Variants in PCDH11X observed in about 807,000 individuals in gnomAD.
PCDH11X encodes the protein protocadherin 11 X-linked, also known as protocadherin-11 X-linked.
A neutral mutation model predicts 53.3 loss-of-function variants in PCDH11X; 18 were observed. That is an observed-to-expected ratio of 0.34 (90% confidence interval 0.23 to 0.50). The LOEUF is 0.50. Among genes scored for constraint, PCDH11X ranks in the 20% least tolerant of loss-of-function variants. PCDH11X has a pLI of 0.98. For missense variants in PCDH11X, 570 were observed against 1,032.4 expected (o/e 0.55, Z 6.14); for synonymous variants, 279 against 393.3 (o/e 0.71, Z 3.44).
chrX:91,968,425 G>A (rs1406076826), intron 6 of PCDH11X, among the ~76,000 whole-genome samples: 2 of 109,861 alleles, frequency 1.8e-5, no homozygotes, highest in Admixed American at 9.7e-5. Flanking sequence ...TAAAGTGACT[G>A]AGTCACAAGC....
chrX:92,302,191 A>G (rs1229468335), intron 8 of PCDH11X, among the ~76,000 whole-genome samples: 2 of 111,201 alleles, frequency 1.8e-5, no homozygotes, highest in Non-Finnish European at 3.8e-5. Context: ...CAGGGTAAGA[A>G]ATTCTGACCT....
chrX:92,144,299 C>A (rs765539057), intron 6 of PCDH11X, among the ~76,000 whole-genome samples: 1 of 108,432 alleles, frequency 9.2e-6, no homozygotes, highest in African/African-American at 3.4e-5. Flanking sequence ...GGGCCAGGGG[C>A]GAAATGATAT....
At chrX:92,547,287 T>C (rs2557204) in intron 10 of PCDH11X, among the ~76,000 whole-genome samples, 38,255 of 95,699 alleles carry the variant, frequency 0.4, 7,712 homozygotes, top group African/African-American at 0.43. Flanking sequence ...ATTTAGAACA[T>C]GACATAAAAG....
At chrX:92,396,049 A>AAACT (rs895742110) in intron 9 of PCDH11X, among the ~76,000 whole-genome samples, 172 of 106,278 alleles carry the variant, frequency 1.6e-3, no homozygotes, top group African/African-American at 5.5e-3. Flanking sequence ...AACCAGTGAA[A>AAACT]GTACTGCAGA....
At chrX:92,299,302 G>A (rs950472216) in intron 8 of PCDH11X, among the ~76,000 whole-genome samples, 10 of 111,019 alleles carry the variant, frequency 9.0e-5, no homozygotes, top group Admixed American at 3.8e-4. Flanking sequence ...AAGCTTTATC[G>A]GCTTTTAATA....
chrX:92,075,895 A>C (rs1168929991), intron 6 of PCDH11X, among the ~76,000 whole-genome samples: 1 of 110,614 alleles, frequency 9.0e-6, no homozygotes. Context: ...TCCTGCCTCA[A>C]ATATGTTTAC....
intron 6 of PCDH11X, among the ~76,000 whole-genome samples, chrX:92,060,642 C>T (rs887485680): frequency 1.0e-4 from 11 of 108,998 alleles, no homozygotes; most frequent in African/African-American, 3.7e-4. Context: ...ATTTATGTTG[C>T]TTCAAAGGAC....
At chrX:91,847,621 C>T (rs762293056) in intron 5 of PCDH11X, among the ~76,000 whole-genome samples, 1 of 111,665 alleles carries the variant, frequency 9.0e-6, no homozygotes, top group Admixed American at 9.5e-5. Flanking sequence ...TCAACTATTA[C>T]TTGCACAAAC....
intron 6 of PCDH11X, among the ~76,000 whole-genome samples, chrX:91,924,600 T>C (rs958177544): frequency 6.2e-5 from 7 of 112,193 alleles, no homozygotes; most frequent in African/African-American, 2.3e-4. Flanking sequence ...TCAAGCCATA[T>C]GCATAATTTA....
intron 5 of PCDH11X, among the ~76,000 whole-genome samples, chrX:91,842,601 G>A (rs1230936360): frequency 2.7e-5 from 3 of 109,139 alleles, no homozygotes; most frequent in Non-Finnish European, 5.7e-5. Context: ...GGTACTTCTA[G>A]GTGAACAATC....
At chrX:92,576,521 T>G (rs1290695611) in intron 10 of PCDH11X, among the ~76,000 whole-genome samples, 3 of 97,346 alleles carry the variant, frequency 3.1e-5, no homozygotes, top group Non-Finnish European at 6.2e-5. Context: ...GAAGGTGATT[T>G]TCTCTGGTGA....
At chrX:92,587,573 G>A in intron 10 of PCDH11X, among the ~76,000 whole-genome samples, 1 of 110,828 alleles carries the variant, frequency 9.0e-6, no homozygotes, top group Middle Eastern at 4.7e-3. Context: ...TATCATAAGA[G>A]CAAATTTTCC....
chrX:92,544,657 A>G (rs1448838665), intron 10 of PCDH11X, among the ~76,000 whole-genome samples: 1 of 110,826 alleles, frequency 9.0e-6, no homozygotes. Flanking sequence ...ATTCAACCCC[A>G]TCATATGGTT....
intron 6 of PCDH11X, among the ~76,000 whole-genome samples, chrX:92,020,822 G>A (rs1602696296): frequency 9.0e-6 from 1 of 111,412 alleles, no homozygotes; most frequent in African/African-American, 3.3e-5. Context: ...CTTAGGGTCA[G>A]AGATCCCAGA....
At chrX:92,376,210 A>G (rs1221601414) in intron 8 of PCDH11X, among the ~76,000 whole-genome samples, 1 of 111,894 alleles carries the variant, frequency 8.9e-6, no homozygotes, top group Non-Finnish European at 1.9e-5. Context: ...TGTTTTAAAA[A>G]ATCAATTGCG....
chrX:92,120,678 A>C (rs2064742762), intron 6 of PCDH11X, among the ~76,000 whole-genome samples: 1 of 112,086 alleles, frequency 8.9e-6, no homozygotes, highest in African/African-American at 3.2e-5. Flanking sequence ...AGACCCATAC[A>C]TGGGTGGAAG....
chrX:92,484,705 A>G (rs769428911), intron 10 of PCDH11X, among the ~76,000 whole-genome samples: 1 of 110,800 alleles, frequency 9.0e-6, no homozygotes, highest in Admixed American at 9.7e-5. Context: ...CATAAGAATG[A>G]TACAATGGAC....
intron 4 of PCDH11X, among the ~76,000 whole-genome samples, chrX:91,829,442 A>C (rs1412927368): frequency 2.0e-4 from 14 of 69,993 alleles, no homozygotes; most frequent in South Asian, 6.4e-4. Flanking sequence ...ACACACACAC[A>C]CCCACAATTA....
intron 6 of PCDH11X, among the ~76,000 whole-genome samples, chrX:91,998,224 G>A (rs969387964): frequency 1.8e-5 from 2 of 109,306 alleles, no homozygotes; most frequent in Admixed American, 9.8e-5. Flanking sequence ...ATGAGCCACC[G>A]CACACAGCAA....
Sources: allele counts gnomAD v4.1 joint callset (sites outside exome capture counted in the v4.1 genomes callset), GRCh38; gene constraint gnomAD v4.1.1; transcripts MANE v1.5; gene names NCBI Gene and HGNC (gene_info 2026-07-23, HGNC 2026-07-21).